Variants in FAM193A observed in about 807,000 individuals in gnomAD.
FAM193A encodes the protein family with sequence similarity 193 member A, also known as protein FAM193A.
A neutral mutation model predicts 126.5 loss-of-function variants in FAM193A; 22 were observed. The ratio of observed to expected loss-of-function variants is 0.17; its 90% CI spans 0.12 to 0.25. The LOEUF (loss-of-function observed/expected upper bound fraction) is 0.25. Among genes scored for constraint, FAM193A ranks in the 10% least tolerant of loss-of-function variants. The pLI is 1.00. For missense variants in FAM193A, 1,675 were observed against 1,672.8 expected, an observed-to-expected ratio of 1.00 and a Z score of -0.02; for synonymous variants, 761 against 646.8, an observed-to-expected ratio of 1.18 and a Z score of -2.68.
chr4:2,683,852 T>C (rs962030664), intron 13 of FAM193A, among the ~76,000 whole-genome samples: 4 of 152,254 alleles, frequency 2.6e-5, no homozygotes, highest in Non-Finnish European at 5.9e-5. Flanking sequence ...ATATTGTTTC[T>C]GTTTTTGTTT....
At chr4:2,658,027 T>C in intron 8 of FAM193A, 147 bp downstream of exon 8, 2 of 646,488 alleles carry the variant, frequency 3.1e-6, no homozygotes, top group Non-Finnish European at 5.5e-6. Context: ...CTGTTCAAGA[T>C]GGTGTTTTTA....
chr4:2,563,241 C>G (rs1325599596), intron 1 of FAM193A, among the ~76,000 whole-genome samples: 1 of 152,216 alleles, frequency 6.6e-6, no homozygotes, highest in Non-Finnish European at 1.5e-5. Context: ...CTGCGCCTGG[C>G]CTTTGATCTG....
chr4:2,602,959 C>CTTTTTTTTTT lies in FAM193A; in HGVS notation c.501+6648_501+6657dup, dbSNP rs71178487. ...ACAAGTGTGAGCCACTGCACCCGGC[C>CTTTTTTTTTT]TTTTTTTTTTTTTTTTTTTTTTTTT... On this transcript the variant is annotated intron_variant, in intron 2 of 20. Coordinates refer to ENST00000637812, the MANE Select transcript of FAM193A (RefSeq NM_001366318.2). Among the ~76,000 whole-genome samples, 114 of 42,308 alleles carry CTTTTTTTTTT rather than the reference C, an allele frequency of 2.7e-3. 32 individuals are homozygous for CTTTTTTTTTT. The highest frequency in any genetic ancestry group is 0.012 in the African/African-American group (102 of 8,686). The allele number at this position is 42,308 out of a possible 152,430, so 27.8% of individuals were successfully genotyped here.
intron 15 of FAM193A, among the ~76,000 whole-genome samples, chr4:2,692,880 GAA>G (rs1229147391): frequency 2.0e-4 from 30 of 151,870 alleles, no homozygotes; most frequent in Non-Finnish European, 3.5e-4. Flanking sequence ...AGAAAGAAAA[GAA>G]AAGAGAGGAG....
In FAM193A at chr4:2,663,275, A is replaced by C. The variant is rs767209400; in HGVS notation, c.2066A>C (p.Tyr689Ser). The C allele has an allele frequency of 1.3e-6, 2 of 1,587,922 alleles. No individual in the cohort carries two copies. Among genetic ancestry groups the C allele is most frequent in the Non-Finnish European group, 1.7e-6 (2 of 1,170,226 alleles). Reference protein sequence around the residue: ...ESKADSPPPSYPTQQAEQAPN... With the variant: ...ESKADSPPPSSPTQQAEQAPN... ...AAAGCAGACAGTCCACCCCCATCCT[A>C]CCCAACACAGCAGGTAGGACTTTGC... The change falls in exon 12 of 21, where the codon TAC (tyrosine) becomes TCC (serine). Residue 689 changes from tyrosine (Y) to serine (S), a missense_variant. Transcript: ENST00000637812.
intron 12 of FAM193A, 34 bp downstream of exon 12, chr4:2,663,322 C>T (rs1420802050): frequency 6.7e-7 from 1 of 1,502,394 alleles, no homozygotes; most frequent in Non-Finnish European, 8.9e-7. Context: ...CCAAGGATCT[C>T]TTTTTCTGTG....
At chr4:2,582,594 G>T (rs1173446755) in intron 1 of FAM193A, among the ~76,000 whole-genome samples, 2 of 143,624 alleles carry the variant, frequency 1.4e-5, no homozygotes, top group African/African-American at 6.0e-5. Flanking sequence ...GTGTTTTTTT[G>T]TTGTTGTTTT....
At chr4:2,554,373 C>T (rs748435760) in intron 1 of FAM193A, among the ~76,000 whole-genome samples, 14 of 152,100 alleles carry the variant, frequency 9.2e-5, no homozygotes, top group African/African-American at 2.9e-4. Flanking sequence ...TTGAAACCAC[C>T]GTGTCCGGCC....
At chr4:2,678,542 T>C (rs1376348167) in intron 13 of FAM193A, among the ~76,000 whole-genome samples, 1 of 152,030 alleles carries the variant, frequency 6.6e-6, no homozygotes, top group Non-Finnish European at 1.5e-5. Flanking sequence ...GTTGTATTTT[T>C]AGTAGAGACG....
chr4:2,644,125 G>A (rs947805154), intron 6 of FAM193A, among the ~76,000 whole-genome samples: 1 of 152,162 alleles, frequency 6.6e-6, no homozygotes, highest in African/African-American at 2.4e-5. Flanking sequence ...TAGTCCCTGT[G>A]ACTCTTTTGA....
chr4:2,592,415 A>G (rs1008972067), intron 1 of FAM193A, among the ~76,000 whole-genome samples: 8 of 152,172 alleles, frequency 5.3e-5, no homozygotes, highest in East Asian at 1.9e-4. Flanking sequence ...AAAAATATCA[A>G]TGTAACTAGA....
Position 2,732,046 on chromosome 4 carries a change from C to T in FAM193A, c.*178C>T, listed in dbSNP as rs919018656. On this transcript the variant is annotated 3_prime_UTR_variant, in exon 21 of 21. Transcript: ENST00000637812. Reference sequence around the variant, plus strand: ...TCGGCCCACGCCGTTAGCTCGTGTGCGTGTAGTCTGTGCGTGAGACTCCTT... The same window carrying T: ...TCGGCCCACGCCGTTAGCTCGTGTGTGTGTAGTCTGTGCGTGAGACTCCTT... The T allele has an allele frequency of 9.6e-6, 6 of 627,942 alleles. No individual in the cohort carries two copies. The highest frequency in any genetic ancestry group is 2.6e-5 in the East Asian group (1 of 37,784). 38.9% of individuals were successfully genotyped at this position (627,942 alleles called of 1,614,324 possible).
chr4:2,658,824 C>T (rs1229743614), intron 8 of FAM193A, among the ~76,000 whole-genome samples: 1 of 152,182 alleles, frequency 6.6e-6, no homozygotes, highest in East Asian at 1.9e-4. Flanking sequence ...GAACTCGGCT[C>T]ACTGCAACCT....
intron 2 of FAM193A, among the ~76,000 whole-genome samples, chr4:2,624,387 G>A (rs1742758584): frequency 6.6e-6 from 1 of 152,080 alleles, no homozygotes; most frequent in South Asian, 2.1e-4. Flanking sequence ...CAGGTGATCC[G>A]CCTGCCTCGG....
chr4:2,560,235 G>A (rs2108837883), intron 1 of FAM193A, among the ~76,000 whole-genome samples: 1 of 152,260 alleles, frequency 6.6e-6, no homozygotes, highest in South Asian at 2.1e-4. Context: ...GAGCCACCGC[G>A]CCTGGCCTGT....
intron 20 of FAM193A, among the ~76,000 whole-genome samples, chr4:2,726,033 C>T (rs1720709911): frequency 2.6e-5 from 4 of 152,100 alleles, no homozygotes; most frequent in Admixed American, 1.3e-4. Context: ...TGAGTAGCTG[C>T]GACTACAGGC....
At chr4:2,619,734 G>A (rs914366991) in intron 2 of FAM193A, among the ~76,000 whole-genome samples, 3 of 151,992 alleles carry the variant, frequency 2.0e-5, no homozygotes, top group Non-Finnish European at 2.9e-5. Context: ...CACCCAGGCT[G>A]GAGTGCAGTG....
chr4:2,721,697 A>G (rs1242386367), intron 20 of FAM193A, among the ~76,000 whole-genome samples: 1 of 152,134 alleles, frequency 6.6e-6, no homozygotes, highest in Admixed American at 6.5e-5. Flanking sequence ...TGCTCCGGGG[A>G]GCATAACTGT....
At chr4:2,708,179 A>C (rs1448323228) in intron 19 of FAM193A, 1 of 449,332 alleles carries the variant, frequency 2.2e-6, no homozygotes, top group Non-Finnish European at 4.5e-6. Flanking sequence ...AGTCTGGGGT[A>C]CAATGGTGCA....
Sources: gnomAD v4.1 joint callset for allele counts (sites outside exome capture counted in the v4.1 genomes callset) on GRCh38, gnomAD v4.1.1 for gene constraint, MANE v1.5 for transcripts, NCBI Gene and HGNC (gene_info 2026-07-23, HGNC 2026-07-21) for gene names.